PDE4D: variants seen among roughly 807,000 people sequenced by gnomAD.
PDE4D encodes 3',5'-cyclic-AMP phosphodiesterase 4D.
PDE4D carries 24 observed loss-of-function variants against 87.4 expected under a neutral mutation model. The ratio of observed to expected loss-of-function variants is 0.27; its 90% CI spans 0.20 to 0.39. PDE4D has a LOEUF of 0.39. PDE4D is among the 10% of genes least tolerant of loss of function. PDE4D has a pLI of 1.00. For missense variants in PDE4D, 714 were observed against 1,041.0 expected, an observed-to-expected ratio of 0.69 and a Z score of 4.32; for synonymous variants, 384 against 383.2, an observed-to-expected ratio of 1.00 and a Z score of -0.02.
At chr5:59,821,830 G>C (rs1016691793) in intron 1 of PDE4D, among the ~76,000 whole-genome samples, 4 of 152,154 alleles carry the variant, frequency 2.6e-5, no homozygotes, top group African/African-American at 9.7e-5. Flanking sequence ...ATTGAACATG[G>C]AGTTAGGAAG....
At chr5:59,910,685 C>G (rs1254046378) in intron 3 of PDE4D, among the ~76,000 whole-genome samples, 3 of 152,184 alleles carry the variant, frequency 2.0e-5, no homozygotes, top group Admixed American at 6.5e-5. Context: ...ACACAACAAA[C>G]AGATGCTTGT....
chr5:59,480,040 C>T lies in PDE4D; in HGVS notation c.456-264072G>A, dbSNP rs187040712. Among the ~76,000 whole-genome samples the T allele has an allele frequency of 4.3e-3, 652 of 151,838 alleles. 1 individual carries two copies. The highest frequency in any genetic ancestry group is 0.01 in the Middle Eastern group (3 of 294). ...AATATCTTACGGCATACAGATTGGT[C>T]TCTTGGTCTCCCAACTTACAGGAGA... On this transcript the variant is annotated intron_variant, in intron 1 of 14. Transcript: ENST00000340635.
intron 5 of PDE4D, among the ~76,000 whole-genome samples, chr5:59,055,177 C>G (rs755514651): frequency 2.0e-5 from 3 of 152,082 alleles, no homozygotes; most frequent in African/African-American, 4.8e-5. Context: ...AGCAGACCAC[C>G]ATATATCCTA....
At chr5:59,994,386 A>G (rs1429987068) in intron 2 of PDE4D, among the ~76,000 whole-genome samples, 2 of 151,910 alleles carry the variant, frequency 1.3e-5, no homozygotes, top group Non-Finnish European at 2.9e-5. Flanking sequence ...ATATACATAT[A>G]TATATTTATA....
chr5:59,235,533 A>G (rs1756225827), intron 1 of PDE4D, among the ~76,000 whole-genome samples: 2 of 152,216 alleles, frequency 1.3e-5, no homozygotes, highest in African/African-American at 4.8e-5. Flanking sequence ...TTACGACTCA[A>G]TCCCAAATCT....
intron 1 of PDE4D, among the ~76,000 whole-genome samples, chr5:59,758,582 C>G (rs904436975): frequency 6.6e-6 from 1 of 152,074 alleles, no homozygotes; most frequent in African/African-American, 2.4e-5. Context: ...AAATTGAAGT[C>G]TAGTAAAAGA....
chr5:59,473,083 G>GAAAAAAAA (rs10573988), intron 1 of PDE4D, among the ~76,000 whole-genome samples: 3 of 92,110 alleles, frequency 3.3e-5, no homozygotes, highest in Non-Finnish European at 6.9e-5. Context: ...GCTTTCTCAT[G>GAAAAAAAA]AAAAAAAAAA....
intron 3 of PDE4D, among the ~76,000 whole-genome samples, chr5:59,922,675 C>T (rs968765380): frequency 2.0e-5 from 3 of 152,054 alleles, no homozygotes; most frequent in Non-Finnish European, 2.9e-5. Context: ...ACTAAAGAGC[C>T]CTTGGCCCCT....
chr5:59,562,525 A>T (rs913459285), intron 1 of PDE4D, among the ~76,000 whole-genome samples: 2 of 152,234 alleles, frequency 1.3e-5, no homozygotes, highest in Admixed American at 1.3e-4. Flanking sequence ...ACAAATGAAG[A>T]TGTTGTGAAT....
At chr5:59,963,381 T>C (rs1363911148) in intron 3 of PDE4D, among the ~76,000 whole-genome samples, 1 of 152,166 alleles carries the variant, frequency 6.6e-6, no homozygotes, top group Non-Finnish European at 1.5e-5. Flanking sequence ...TCTGAAAGCA[T>C]GACTGAATAA....
At chr5:59,592,628 T>A (rs1188197091) in intron 1 of PDE4D, among the ~76,000 whole-genome samples, 4 of 152,134 alleles carry the variant, frequency 2.6e-5, no homozygotes, top group Non-Finnish European at 5.9e-5. Context: ...TCTCATAATA[T>A]GAAATATATT....
At chr5:60,005,048 A>T (rs1378559534) in intron 2 of PDE4D, among the ~76,000 whole-genome samples, 2 of 152,180 alleles carry the variant, frequency 1.3e-5, no homozygotes. Flanking sequence ...GTATGGAACC[A>T]ACCTAAGTGT....
chr5:59,953,620 A>T (rs145659196), intron 3 of PDE4D, among the ~76,000 whole-genome samples: 242 of 152,338 alleles, frequency 1.6e-3, no homozygotes, highest in African/African-American at 5.6e-3. Context: ...TCTACTCTTG[A>T]CAAGACATTA....
intron 5 of PDE4D, among the ~76,000 whole-genome samples, chr5:59,120,895 A>G (rs1054771534): frequency 1.3e-5 from 2 of 152,238 alleles, no homozygotes; most frequent in African/African-American, 4.8e-5. Flanking sequence ...TGATAGATTT[A>G]GAGTAGACAG....
chr5:59,243,739 C>T (rs570302178), intron 1 of PDE4D, among the ~76,000 whole-genome samples: 70 of 152,048 alleles, frequency 4.6e-4, no homozygotes, highest in African/African-American at 1.6e-3. Context: ...GAATTACAGG[C>T]GTGAGCCACC....
intron 1 of PDE4D, among the ~76,000 whole-genome samples, chr5:60,230,174 T>C (rs1745630315): frequency 6.6e-6 from 1 of 152,114 alleles, no homozygotes; most frequent in Admixed American, 6.6e-5. Context: ...AAGGCTTAAA[T>C]TCAATTTTAA....
intron 2 of PDE4D, among the ~76,000 whole-genome samples, chr5:60,015,512 A>ACCCTAAC (rs1765420814): frequency 6.6e-6 from 1 of 152,178 alleles, no homozygotes; most frequent in Non-Finnish European, 1.5e-5. Context: ...AAGAAGCCCA[A>ACCCTAAC]GCTTCTTTGG....
chr5:59,792,025 A>G (rs1765851260), intron 1 of PDE4D, among the ~76,000 whole-genome samples: 1 of 152,234 alleles, frequency 6.6e-6, no homozygotes, highest in African/African-American at 2.4e-5. Context: ...CCGAAACACA[A>G]TAAGTGAAAA....
chr5:59,716,592 G>A (rs185713883), intron 1 of PDE4D, among the ~76,000 whole-genome samples: 2 of 152,244 alleles, frequency 1.3e-5, no homozygotes, highest in East Asian at 1.9e-4. Flanking sequence ...CTCTGGTCAC[G>A]GACCTCAAAG....
Sources: allele counts gnomAD v4.1 joint callset (sites outside exome capture counted in the v4.1 genomes callset), GRCh38; gene constraint gnomAD v4.1.1; transcripts MANE v1.5; gene names NCBI Gene and HGNC (gene_info 2026-07-23, HGNC 2026-07-21).